Variants in SLC35F3 observed in about 807,000 individuals in gnomAD.
The protein encoded by SLC35F3 is putative thiamine transporter SLC35F3.
In SLC35F3, 25 loss-of-function variants were observed where a neutral mutation model predicts 49.9. The observed-to-expected ratio is 0.50, with a 90% CI of 0.37 to 0.70. The LOEUF is 0.70. Among genes scored for constraint, SLC35F3 ranks in the 30% least tolerant of loss-of-function variants. The pLI, the probability that SLC35F3 is intolerant of heterozygous loss-of-function variation, is 0.00. For missense variants in SLC35F3, 525 were observed against 639.8 expected (o/e 0.82, Z 1.94); for synonymous variants, 275 against 265.4 (o/e 1.04, Z -0.35).
chr1:234,235,365 C>T (rs117714691), intron 3 of SLC35F3, among the ~76,000 whole-genome samples: 61 of 152,310 alleles, frequency 4.0e-4, no homozygotes, highest in South Asian at 8.3e-4. Flanking sequence ...AGTCATGAGA[C>T]GCTTGAGGGT....
At chr1:233,965,210 C>CA in intron 2 of SLC35F3, among the ~76,000 whole-genome samples, 1 of 152,228 alleles carries the variant, frequency 6.6e-6, no homozygotes, top group South Asian at 2.1e-4. Flanking sequence ...GGTTTTTCTT[C>CA]AAAAATTTGA....
intron 2 of SLC35F3, among the ~76,000 whole-genome samples, chr1:233,937,474 C>G (rs1179046901): frequency 2.0e-5 from 3 of 152,220 alleles, no homozygotes; most frequent in Non-Finnish European, 4.4e-5. Flanking sequence ...ATCCAGCCAT[C>G]TGATTATCCC....
chr1:234,015,669 T>A (rs1450924999), intron 2 of SLC35F3, among the ~76,000 whole-genome samples: 4 of 152,120 alleles, frequency 2.6e-5, no homozygotes, highest in African/African-American at 9.7e-5. Flanking sequence ...TCAAAATGGA[T>A]TAAAGATTTA....
intron 2 of SLC35F3, among the ~76,000 whole-genome samples, chr1:234,101,504 A>G (rs1298247345): frequency 6.6e-6 from 1 of 152,234 alleles, no homozygotes; most frequent in Non-Finnish European, 1.5e-5. Flanking sequence ...TGGGAAGTTA[A>G]TAAACATGTT....
chr1:234,061,743 T>C (rs1412567418), intron 2 of SLC35F3, among the ~76,000 whole-genome samples: 1 of 152,150 alleles, frequency 6.6e-6, no homozygotes, highest in Non-Finnish European at 1.5e-5. Context: ...CACTGTTGAG[T>C]CCCTCTACTA....
At chr1:234,101,946 G>A (rs1032870049) in intron 2 of SLC35F3, among the ~76,000 whole-genome samples, 4 of 152,170 alleles carry the variant, frequency 2.6e-5, no homozygotes, top group Non-Finnish European at 4.4e-5. Flanking sequence ...TCAAGAAGCC[G>A]GAAGCATAGA....
At chr1:234,273,963 G>A (rs1023962653) in intron 3 of SLC35F3, among the ~76,000 whole-genome samples, 5 of 150,964 alleles carry the variant, frequency 3.3e-5, no homozygotes, top group Non-Finnish European at 7.4e-5. Flanking sequence ...TACAAAATAG[G>A]CCACATGCTG....
intron 2 of SLC35F3, among the ~76,000 whole-genome samples, chr1:233,931,867 A>C (rs1160934560): frequency 6.6e-6 from 1 of 152,210 alleles, no homozygotes; most frequent in East Asian, 1.9e-4. Flanking sequence ...AGCACTATTC[A>C]CAATAGCAAA....
chr1:233,940,068 A>G (rs1472931613), intron 2 of SLC35F3, among the ~76,000 whole-genome samples: 3 of 152,302 alleles, frequency 2.0e-5, no homozygotes, highest in Non-Finnish European at 4.4e-5. Context: ...AATTAATTTT[A>G]TTATGGGCAT....
chr1:234,232,545 A>AG (rs1667401861), intron 3 of SLC35F3, among the ~76,000 whole-genome samples: 1 of 150,576 alleles, frequency 6.6e-6, no homozygotes, highest in African/African-American at 2.5e-5. Flanking sequence ...AAAAAAGAAA[A>AG]AGAAAAAAAG....
At chr1:234,117,590 T>TTA (rs754995935) in intron 2 of SLC35F3, among the ~76,000 whole-genome samples, 2 of 135,966 alleles carry the variant, frequency 1.5e-5, no homozygotes, top group African/African-American at 5.6e-5. Flanking sequence ...AGACCCTGTC[T>TTA]AAAAAAAAAA....
intron 2 of SLC35F3, among the ~76,000 whole-genome samples, chr1:233,951,449 C>A (rs1191800360): frequency 6.6e-6 from 1 of 151,682 alleles, no homozygotes. Context: ...GTGTACCTTT[C>A]TTTAAAAAAA....
At chr1:234,290,938 T>A (rs1668497009) in intron 3 of SLC35F3, among the ~76,000 whole-genome samples, 1 of 152,148 alleles carries the variant, frequency 6.6e-6, no homozygotes, top group African/African-American at 2.4e-5. Flanking sequence ...CTGGCTTGAT[T>A]CTCTCTTACT....
chr1:234,281,980 G>A (rs1423604310), intron 3 of SLC35F3, among the ~76,000 whole-genome samples: 1 of 152,050 alleles, frequency 6.6e-6, no homozygotes, highest in Non-Finnish European at 1.5e-5. Flanking sequence ...CGGCTTAAGC[G>A]CTGTTTTTTT....
At chr1:234,149,449 G>A (rs1666040901) in intron 2 of SLC35F3, among the ~76,000 whole-genome samples, 1 of 152,140 alleles carries the variant, frequency 6.6e-6, no homozygotes, top group Non-Finnish European at 1.5e-5. Flanking sequence ...TGACTGTTTG[G>A]GGATATTCCA....
chr1:234,101,741 G>A (rs1008552831), intron 2 of SLC35F3, among the ~76,000 whole-genome samples: 1 of 152,244 alleles, frequency 6.6e-6, no homozygotes, highest in African/African-American at 2.4e-5. Context: ...AACAAATCAT[G>A]TACCTTTTTC....
intron 3 of SLC35F3, among the ~76,000 whole-genome samples, chr1:234,241,211 C>A (rs900233079): frequency 2.6e-5 from 4 of 152,118 alleles, no homozygotes; most frequent in Non-Finnish European, 5.9e-5. Context: ...ATTATACGGG[C>A]TTCCCAAATA....
At chr1:234,204,462 C>G (rs1666943667) in intron 2 of SLC35F3, among the ~76,000 whole-genome samples, 1 of 152,114 alleles carries the variant, frequency 6.6e-6, no homozygotes, top group African/African-American at 2.4e-5. Context: ...AGCGTGATTC[C>G]CCTGCCAAGG....
Position 234,255,146 on chromosome 1 carries a change from G to T in SLC35F3, c.608+23405G>T, listed in dbSNP as rs763960351. On this transcript the variant is annotated intron_variant, in intron 3 of 7. Coordinates refer to ENST00000366618, the MANE Select transcript of SLC35F3 (RefSeq NM_173508.4). ...AAGACTGATATCTAAAACGTACAGAGAACCCTTAAAACTAAACTACATGAA... is the reference window on the plus strand; with the variant it reads ...AAGACTGATATCTAAAACGTACAGATAACCCTTAAAACTAAACTACATGAA... 1.6e-4 allele frequency among the ~76,000 whole-genome samples: 25 copies of T among 152,072 alleles called. 1 individual carries two copies. Among genetic ancestry groups the T allele is most frequent in the Admixed American group, 1.6e-3 (24 of 15,262 alleles).
Sources: allele counts gnomAD v4.1 joint callset (sites outside exome capture counted in the v4.1 genomes callset), GRCh38; gene constraint gnomAD v4.1.1; transcripts MANE v1.5; gene names NCBI Gene and HGNC (gene_info 2026-07-23, HGNC 2026-07-21).